The following KCNQ1 variants were observed in gnomAD, a reference collection of about 807,000 sequenced individuals.
KCNQ1 encodes potassium voltage-gated channel subfamily KQT member 1.
KCNQ1 carries 49 observed loss-of-function variants against 72.4 expected under a neutral mutation model. The ratio of observed to expected loss-of-function variants is 0.68; its 90% CI spans 0.54 to 0.86. The LOEUF (loss-of-function observed/expected upper bound fraction) is 0.86, where lower values mean the gene tolerates loss of function less well. Among genes scored for constraint, KCNQ1 ranks in the 40% least tolerant of loss-of-function variants. KCNQ1 has a pLI of 0.00. For synonymous variants in KCNQ1, 450 were observed against 412.6 expected (o/e 1.09, Z -1.10); for missense variants, 790 against 945.1 (o/e 0.84, Z 2.15).
chr11:2,724,824 G>A lies in KCNQ1; in HGVS notation c.1515-44020G>A, dbSNP rs1232756864. On this transcript the variant is annotated intron_variant, in intron 11 of 15. Transcript: ENST00000155840. The surrounding 1 kb of genome is among the most constrained non-coding windows in gnomAD (Gnocchi z 6.8). Reference sequence around the variant, plus strand: ...GGGCTGAAGCTTCTGGCCATCGTATGGAGCTGGAACAAGGCACTGGAAGGT... The same window carrying A: ...GGGCTGAAGCTTCTGGCCATCGTATAGAGCTGGAACAAGGCACTGGAAGGT... Among the ~76,000 whole-genome samples, 1 of 152,206 alleles carries A rather than the reference G, an allele frequency of 6.6e-6. No homozygotes were observed. Among genetic ancestry groups the A allele is most frequent in the Non-Finnish European group, 1.5e-5 (1 of 68,030 alleles).
At chr11:2,693,476 C>A in intron 11 of KCNQ1, 1 of 398,684 alleles carries the variant, frequency 2.5e-6, no homozygotes, top group Non-Finnish European at 4.4e-6. Context: ...CTAATTGCTA[C>A]AATTAGCAGG....
Position 2,478,612 on chromosome 11 carries a change from C to T in KCNQ1, c.386+33128C>T, listed in dbSNP as rs1168525196. 1.3e-5 allele frequency among the ~76,000 whole-genome samples: 2 copies of T among 152,110 alleles called. No homozygotes were observed. Among genetic ancestry groups the T allele is most frequent in the African/African-American group, 2.4e-5 (1 of 41,412 alleles). ...CCACCCCCATGATTCAATTATCTCCCACGAGGTCCCTCCCATGACACGTGG... is the reference window on the plus strand; with the variant it reads ...CCACCCCCATGATTCAATTATCTCCTACGAGGTCCCTCCCATGACACGTGG... On this transcript the variant is annotated intron_variant, in intron 1 of 15. Transcript: ENST00000155840. The surrounding 1 kb of genome is among the most constrained non-coding windows in gnomAD (Gnocchi z 4.0).
rs376860798 is a variant in KCNQ1 at position 2,699,731 on chromosome 11, A to G, written c.1514+37650A>G. ...CGGCGCCGAGGAGTCCCCGGGGAGAACTGCGCCGAGGAGCCCCCAGAAGAG... is the reference window on the plus strand; with the variant it reads ...CGGCGCCGAGGAGTCCCCGGGGAGAGCTGCGCCGAGGAGCCCCCAGAAGAG... On this transcript the variant is annotated intron_variant, in intron 11 of 15. Transcript: ENST00000155840. 1.7e-4 allele frequency: 48 copies of G among 275,178 alleles called. 2 individuals are homozygous for G. Among genetic ancestry groups the G allele is most frequent in the African/African-American group, 1.3e-3 (44 of 33,156 alleles). The allele number at this position is 275,178 out of a possible 1,614,324, so 17.0% of individuals were successfully genotyped here.
At chr11:2,644,418 T>C (rs1849634257) in intron 10 of KCNQ1, 1 of 398,304 alleles carries the variant, frequency 2.5e-6, no homozygotes. Context: ...AATTCCAGAA[T>C]ATCTGTTTGG....
At position 2,451,153 on chromosome 11, in the gene KCNQ1, A is replaced by G. The variant is rs1209367626; in HGVS notation, c.386+5669A>G. On this transcript the variant is annotated intron_variant, in intron 1 of 15. Coordinates refer to ENST00000155840, the MANE Select transcript of KCNQ1 (RefSeq NM_000218.3). This position sits in a 1 kb window ranked among gnomAD's most constrained non-coding sequence, Gnocchi z 6.4. ...GTTCCCCGTAGAGCAGCAGTCCCCA[A>G]CCTTTTTAGTACCAGAGACCTGTTT... 6.6e-6 allele frequency among the ~76,000 whole-genome samples: 1 copy of G among 152,094 alleles called. No individual in the cohort carries two copies. Among genetic ancestry groups the G allele is most frequent in the African/African-American group, 2.4e-5 (1 of 41,426 alleles).
rs1446060110 is a variant in KCNQ1, at chr11:2,644,707, G to C, written c.1394-17254G>C. The C allele has an allele frequency of 1.1e-4, 43 of 398,494 alleles. No individual in the cohort carries two copies. In the East Asian group the frequency reaches 1.5e-3, roughly 14 times the overall value. 24.7% of individuals were successfully genotyped at this position (398,494 alleles called of 1,614,324 possible). A position where few individuals can be genotyped will look rare whatever the true frequency, so the allele number is the denominator to read the frequency against. ...TTTTTGATCTGTCTTTCCTAAGAGA[G>C]TCTTGTTCCTGAAGATATATCTATG... On this transcript the variant is annotated intron_variant, in intron 10 of 15. Coordinates refer to ENST00000155840, the MANE Select transcript of KCNQ1 (RefSeq NM_000218.3).
intron 15 of KCNQ1, 52 bp downstream of exon 15, chr11:2,778,089 C>G (rs1590083097): frequency 1.9e-6 from 3 of 1,541,068 alleles, no homozygotes; most frequent in Non-Finnish European, 1.8e-6. Context: ...CTGGGGCCAG[C>G]AGGCACCTCC....
intron 11 of KCNQ1, among the ~76,000 whole-genome samples, chr11:2,742,534 C>T (rs183123047): frequency 3.3e-3 from 510 of 152,340 alleles, no homozygotes; most frequent in South Asian, 0.017. Context: ...GGGCTCCCCC[C>T]GGCCCTTTCT....
rs1448246326 is a variant in KCNQ1 at position 2,551,562 on chromosome 11, T to C, written c.478-19066T>C. 4.6e-5 allele frequency among the ~76,000 whole-genome samples: 7 copies of C among 152,270 alleles called. No individual in the cohort carries two copies. In the East Asian group the frequency reaches 1.3e-3, roughly 29 times the overall value. ...GTTATGATTAAAGCTGCCATGAATA[T>C]TGCGTGCAGTTTTTTGAGTAATCAT... On this transcript the variant is annotated intron_variant, in intron 2 of 15. Transcript: ENST00000155840.
Position 2,663,638 on chromosome 11 carries a change from G to T in KCNQ1, c.1514+1557G>T, listed in dbSNP as rs1850009842. ...GGACCAGCATCCAGACATGCAAAAAGTCCTACTGGGAGGAGAGGGCCATCA... is the reference window on the plus strand; with the variant it reads ...GGACCAGCATCCAGACATGCAAAAATTCCTACTGGGAGGAGAGGGCCATCA... On this transcript the variant is annotated intron_variant, in intron 11 of 15. Coordinates refer to ENST00000155840, the MANE Select transcript of KCNQ1 (RefSeq NM_000218.3). The surrounding 1 kb of genome is among the most constrained non-coding windows in gnomAD (Gnocchi z 5.2). 1 of 398,682 alleles carries T rather than the reference G, an allele frequency of 2.5e-6. No homozygotes were observed. Among genetic ancestry groups the T allele is most frequent in the East Asian group, 3.6e-5 (1 of 28,076 alleles). 24.7% of individuals were successfully genotyped at this position (398,682 alleles called of 1,614,324 possible).
chr11:2,564,151 C>A lies in KCNQ1; in HGVS notation c.478-6477C>A, dbSNP rs535901808. Among the ~76,000 whole-genome samples the A allele has an allele frequency of 6.6e-6, 1 of 152,210 alleles. No individual in the cohort carries two copies. Among genetic ancestry groups the A allele is most frequent in the African/African-American group, 2.4e-5 (1 of 41,468 alleles). On this transcript the variant is annotated intron_variant, in intron 2 of 15. Transcript: ENST00000155840. This position sits in a 1 kb window ranked among gnomAD's most constrained non-coding sequence, Gnocchi z 4.5. ...TTCAGCCATTTCAGCCATTTCACAG[C>A]GTGCAATTTGGTGGCATTTAGTATG...
chr11:2,562,593 C>T lies in KCNQ1; in HGVS notation c.478-8035C>T, dbSNP rs1848189331. Among the ~76,000 whole-genome samples, 1 of 152,152 alleles carries T rather than the reference C, an allele frequency of 6.6e-6. No individual in the cohort carries two copies. Among genetic ancestry groups the T allele is most frequent in the African/African-American group, 2.4e-5 (1 of 41,434 alleles). ...AGGGGGTGAGACCCTAATCCCGGGT[C>T]CCCACAGCACCCTCAGCCTAACCCC... On this transcript the variant is annotated intron_variant, in intron 2 of 15. Coordinates refer to ENST00000155840, the MANE Select transcript of KCNQ1 (RefSeq NM_000218.3). The surrounding 1 kb of genome is among the most constrained non-coding windows in gnomAD (Gnocchi z 7.5).
In KCNQ1 at chr11:2,516,650, T is replaced by G. The variant is rs980181788; in HGVS notation, c.387-11278T>G. ...ATGCCATCCTGCCAGAGCCCTGGGT[T>G]CTCAGCAGGACTCTTTGCCGGGATC... is the stretch of plus-strand genomic sequence containing the variant. On this transcript the variant is annotated intron_variant, in intron 1 of 15. Coordinates refer to ENST00000155840, the MANE Select transcript of KCNQ1 (RefSeq NM_000218.3). This position sits in a 1 kb window ranked among gnomAD's most constrained non-coding sequence, Gnocchi z 7.0. Among the ~76,000 whole-genome samples, 1 of 152,144 alleles carries G rather than the reference T, an allele frequency of 6.6e-6. No individual in the cohort carries two copies. The highest frequency in any genetic ancestry group is 1.5e-5 in the Non-Finnish European group (1 of 68,016).
intron 7 of KCNQ1, 127 bp from the exon 8 acceptor site, chr11:2,585,085 T>C (rs551015826): frequency 2.8e-5 from 23 of 832,324 alleles, no homozygotes; most frequent in South Asian, 6.8e-5. Flanking sequence ...GAGGTGGGAC[T>C]TGGGGGGGCT....
chr11:2,702,051 G>A lies in KCNQ1; in HGVS notation c.1514+39970G>A, dbSNP rs140533776. On this transcript the variant is annotated intron_variant, in intron 11 of 15. Transcript: ENST00000155840. The stretch of plus-strand genomic sequence containing the variant: ...GCAGCTCAATTCCAGCCTCACTGTG[G>A]CCCCCAGGCCTCCTCTGGCCTTCCT... Among the ~76,000 whole-genome samples, 1,373 of 152,278 alleles carry A rather than the reference G, an allele frequency of 9.0e-3. 7 individuals are homozygous for A. The highest frequency in any genetic ancestry group is 0.015 in the Non-Finnish European group (1,021 of 68,018).
rs570378917 is a variant in KCNQ1, at chr11:2,746,607, G to A, written c.1515-22237G>A. The stretch of plus-strand genomic sequence containing the variant: ...CCGTCTGCTGCTGTCCTCACGATTC[G>A]ACTGGGCTGTGGGTGTGAGGAGGGA... On this transcript the variant is annotated intron_variant, in intron 11 of 15. Transcript: ENST00000155840. The surrounding 1 kb of genome is among the most constrained non-coding windows in gnomAD (Gnocchi z 5.9). Among the ~76,000 whole-genome samples the A allele has an allele frequency of 3.3e-5, 5 of 152,138 alleles. No homozygotes were observed. The highest frequency in any genetic ancestry group is 9.7e-5 in the African/African-American group (4 of 41,422).
intron 1 of KCNQ1, among the ~76,000 whole-genome samples, chr11:2,466,854 G>C (rs1366611221): frequency 6.6e-6 from 1 of 152,204 alleles, no homozygotes; most frequent in Non-Finnish European, 1.5e-5. Flanking sequence ...CGAGGGCCTG[G>C]CCCCTGCGCT....
intron 15 of KCNQ1, chr11:2,839,738 C>T (rs572676564): frequency 3.3e-5 from 5 of 152,304 alleles, no homozygotes; most frequent in South Asian, 2.1e-4. Context: ...AGGCCTTCTC[C>T]GGGTTCTTAG....
At chr11:2,743,773 G>C (rs895097542) in intron 11 of KCNQ1, among the ~76,000 whole-genome samples, 3 of 152,244 alleles carry the variant, frequency 2.0e-5, no homozygotes, top group African/African-American at 7.2e-5. Flanking sequence ...AGCCTAAAAG[G>C]AGTTGCCCCC....
Sources: allele counts gnomAD v4.1 joint callset (sites outside exome capture counted in the v4.1 genomes callset), GRCh38; gene constraint gnomAD v4.1.1; non-coding constraint Gnocchi (gnomAD v3.1); transcripts MANE v1.5; gene names NCBI Gene and HGNC (gene_info 2026-07-23, HGNC 2026-07-21).